SLC44A5: variants seen among roughly 807,000 people sequenced by gnomAD.
SLC44A5 encodes the protein solute carrier family 44 member 5.
Under a neutral mutation model 101.8 loss-of-function variants are expected in SLC44A5, and 57 were observed. The ratio of observed to expected loss-of-function variants is 0.56; its 90% confidence interval spans 0.45 to 0.70. The LOEUF (loss-of-function observed/expected upper bound fraction) is 0.70. Ranked by LOEUF, SLC44A5 falls within the 30% of genes least tolerant of loss-of-function variation. The pLI is 0.00. For missense variants in SLC44A5, 737 were observed against 853.1 expected, an observed-to-expected ratio of 0.86 and a Z score of 1.70; for synonymous variants, 281 against 290.9, an observed-to-expected ratio of 0.97 and a Z score of 0.35.
chr1:75,713,649 C>T, the SLC44A5 span, among the ~76,000 whole-genome samples: 1 of 152,152 alleles, frequency 6.6e-6, no homozygotes, highest in African/African-American at 2.4e-5. Flanking sequence ...TCTGAGAACA[C>T]CTGTAAGATT....
At chr1:75,699,297 C>G in the SLC44A5 span, among the ~76,000 whole-genome samples, 3,041 of 152,154 alleles carry the variant, frequency 0.02, 56 homozygotes, top group Non-Finnish European at 0.035. Flanking sequence ...AGACTAACAG[C>G]GGATCTCTCG....
At chr1:75,561,509 A>C (rs1411894626) in intron 1 of SLC44A5, among the ~76,000 whole-genome samples, 5 of 152,154 alleles carry the variant, frequency 3.3e-5, no homozygotes, top group African/African-American at 1.2e-4. Flanking sequence ...AACACCTATA[A>C]CATTCAATAC....
upstream of SLC44A5, among the ~76,000 whole-genome samples, chr1:75,613,667 T>C (rs1675748834): frequency 6.6e-6 from 1 of 152,232 alleles, no homozygotes. Context: ...TTTAAAGTAC[T>C]ACATAAAATT....
At chr1:75,702,210 C>G in the SLC44A5 span, among the ~76,000 whole-genome samples, 2 of 152,106 alleles carry the variant, frequency 1.3e-5, no homozygotes, top group African/African-American at 4.8e-5. Flanking sequence ...AGTCAATCCT[C>G]AGCCAAAAGA....
At chr1:75,483,914 T>G (rs930166992) in intron 2 of SLC44A5, among the ~76,000 whole-genome samples, 3 of 151,948 alleles carry the variant, frequency 2.0e-5, no homozygotes, top group African/African-American at 7.3e-5. Flanking sequence ...GAGAGTGAGG[T>G]GGGAAGTGCC....
chr1:75,444,781 T>C (rs541513908), intron 2 of SLC44A5, among the ~76,000 whole-genome samples: 2 of 152,222 alleles, frequency 1.3e-5, no homozygotes, highest in South Asian at 4.2e-4. Flanking sequence ...CCACTTGTTT[T>C]AGCAGATGGG....
At chr1:75,512,348 A>C (rs1224988686) in intron 2 of SLC44A5, among the ~76,000 whole-genome samples, 1 of 152,236 alleles carries the variant, frequency 6.6e-6, no homozygotes, top group Non-Finnish European at 1.5e-5. Flanking sequence ...GGCAGTCTGC[A>C]TCTGGGTTTA....
At chr1:75,711,715 G>A in the SLC44A5 span, among the ~76,000 whole-genome samples, 1 of 152,160 alleles carries the variant, frequency 6.6e-6, no homozygotes, top group Non-Finnish European at 1.5e-5. Context: ...AGAGATGTGG[G>A]GGTACGGTGA....
rs767393939 is a variant in SLC44A5 at position 75,357,134 on chromosome 1, A to G, written c.53-17504T>C. 16 of 453,180 alleles carry G rather than the reference A, an allele frequency of 3.5e-5. No individual in the cohort carries two copies. The Middle Eastern group carries it at 9.8e-4, about 28-fold the overall frequency. 28.1% of individuals were successfully genotyped at this position (453,180 alleles called of 1,614,324 possible). On this transcript the variant is annotated intron_variant, in intron 3 of 23. Transcript: ENST00000370859. The stretch of plus-strand genomic sequence containing the variant: ...TTCCCACATCCATGCCATCCAATCC[A>G]TCTTCAGTTATCTTACTTGCAGGAA...
chr1:75,684,803 G>T, the SLC44A5 span, among the ~76,000 whole-genome samples: 1 of 152,168 alleles, frequency 6.6e-6, no homozygotes, highest in Admixed American at 6.5e-5. Flanking sequence ...CAAGCTGTCA[G>T]TGGTTCTACC....
intron 3 of SLC44A5, among the ~76,000 whole-genome samples, chr1:75,373,569 GCTCT>G (rs1660368486): frequency 6.6e-6 from 1 of 152,190 alleles, no homozygotes; most frequent in Admixed American, 6.5e-5. Context: ...ATCCCAGAAG[GCTCT>G]CTATCTTGCT....
At position 75,247,760 on chromosome 1, in the gene SLC44A5, G is replaced by A. The variant is rs191113883; in HGVS notation, c.345+3450C>T. On this transcript the variant is annotated intron_variant, in intron 7 of 23. Coordinates refer to ENST00000370859, the MANE Select transcript of SLC44A5 (RefSeq NM_001130058.2). Reference sequence around the variant, plus strand: ...TGGGATTGATTAAATACTGTTGTTAGATCAAGTAAATGTGGATTTAATACT... The same window carrying A: ...TGGGATTGATTAAATACTGTTGTTAAATCAAGTAAATGTGGATTTAATACT... Among the ~76,000 whole-genome samples, 50 of 152,122 alleles carry A rather than the reference G, an allele frequency of 3.3e-4. 1 individual carries two copies. The East Asian group carries it at 9.7e-3, about 30-fold the overall frequency.
intron 4 of SLC44A5, among the ~76,000 whole-genome samples, chr1:75,339,157 C>T (rs987696831): frequency 2.6e-5 from 4 of 152,124 alleles, no homozygotes; most frequent in Non-Finnish European, 5.9e-5. Context: ...GCACTCTGAT[C>T]TTGGAAGCTG....
chr1:75,254,045 T>A (rs972573868), intron 6 of SLC44A5, among the ~76,000 whole-genome samples: 1 of 148,228 alleles, frequency 6.7e-6, no homozygotes. Flanking sequence ...GACCACAACT[T>A]TTTTTTTTTT....
intron 2 of SLC44A5, among the ~76,000 whole-genome samples, chr1:75,428,307 A>G (rs1664426007): frequency 6.6e-6 from 1 of 152,258 alleles, no homozygotes; most frequent in South Asian, 2.1e-4. Context: ...AGAAATACCT[A>G]GAGTGGGATA....
intron 3 of SLC44A5, among the ~76,000 whole-genome samples, chr1:75,348,607 A>G (rs1381324752): frequency 6.6e-6 from 1 of 152,204 alleles, no homozygotes; most frequent in Non-Finnish European, 1.5e-5. Flanking sequence ...TAATAACAAC[A>G]AAAGACCTCT....
chr1:75,243,381 C>A (rs1212374028), intron 7 of SLC44A5, among the ~76,000 whole-genome samples: 1 of 152,020 alleles, frequency 6.6e-6, no homozygotes, highest in Non-Finnish European at 1.5e-5. Flanking sequence ...AAGTGATCCA[C>A]CCATCTCAGC....
chr1:75,536,740 C>A (rs1362410587), intron 2 of SLC44A5, among the ~76,000 whole-genome samples: 10 of 149,062 alleles, frequency 6.7e-5, no homozygotes, highest in Non-Finnish European at 1.3e-4. Context: ...GGCGCGGTGG[C>A]TCACGCCTGT....
chr1:75,582,296 C>G lies in SLC44A5; in HGVS notation c.-70+28744G>C. On this transcript the variant is annotated intron_variant, in intron 1 of 23. Coordinates refer to ENST00000370859, the MANE Select transcript of SLC44A5 (RefSeq NM_001130058.2). Reference sequence around the variant, plus strand: ...CAACAATGCCAAGGCCATGAGTGCACGTGCAAAGGCTATCAAGGCCCTGGT... The same window carrying G: ...CAACAATGCCAAGGCCATGAGTGCAGGTGCAAAGGCTATCAAGGCCCTGGT... 2.0e-6 allele frequency: 3 copies of G among 1,528,004 alleles called. No homozygotes were observed. The Admixed American group carries it at 5.2e-5, about 26-fold the overall frequency. 94.7% of individuals were successfully genotyped at this position (1,528,004 alleles called of 1,614,324 possible). A position where few individuals can be genotyped will look rare whatever the true frequency, so the allele number is the denominator to read the frequency against.
Sources: gnomAD v4.1 joint callset for allele counts (sites outside exome capture counted in the v4.1 genomes callset) on GRCh38, gnomAD v4.1.1 for gene constraint, MANE v1.5 for transcripts, NCBI Gene and HGNC (gene_info 2026-07-23, HGNC 2026-07-21) for gene names.